The following ZFHX3 variants were observed in gnomAD, a reference collection of about 807,000 sequenced individuals.
ZFHX3 encodes zinc finger homeobox 3.
In ZFHX3, 42 loss-of-function variants were observed where a neutral mutation model predicts 279.1. That is an observed-to-expected ratio of 0.15 (90% confidence interval 0.12 to 0.19). The LOEUF (loss-of-function observed/expected upper bound fraction) is 0.19. Among genes scored for constraint, ZFHX3 ranks in the 10% least tolerant of loss-of-function variants. The probability of loss-of-function intolerance (pLI) is 1.00; values close to 1 mark genes in which losing one functional copy is unlikely to be tolerated. For synonymous variants in ZFHX3, 2,293 were observed against 1,957.8 expected (o/e 1.17, Z -4.52); for missense variants, 4,981 against 4,754.0 (o/e 1.05, Z -1.40).
chr16:73,667,290 G>A (rs1186348305), intron 2 of ZFHX3, among the ~76,000 whole-genome samples: 3 of 152,088 alleles, frequency 2.0e-5, no homozygotes, highest in Admixed American at 6.6e-5. Context: ...ACACCCAGCT[G>A]GATATGCAAC....
At chr16:73,605,707 G>A (rs550605621) in intron 2 of ZFHX3, among the ~76,000 whole-genome samples, 2 of 151,990 alleles carry the variant, frequency 1.3e-5, no homozygotes, top group African/African-American at 2.4e-5. Context: ...GGGGGCTGGA[G>A]AGAAAGAATG....
At chr16:72,828,852 A>C (rs1277190340) in intron 5 of ZFHX3, among the ~76,000 whole-genome samples, 4 of 151,220 alleles carry the variant, frequency 2.6e-5, no homozygotes, top group Non-Finnish European at 4.4e-5. Flanking sequence ...ACCAGCGTGC[A>C]CCACAATGCC....
chr16:73,798,351 C>A (rs1304886642), intron 1 of ZFHX3, among the ~76,000 whole-genome samples: 1 of 150,712 alleles, frequency 6.6e-6, no homozygotes, highest in Non-Finnish European at 1.5e-5. Flanking sequence ...ACCTTGAGGG[C>A]ATGGGTGAGA....
Position 72,958,009 on chromosome 16 carries a change from G to T in ZFHX3, c.2137C>A (p.Leu713Met). ...YCKSGQPHPR[L>M]ARGESYTCGY... is the part of the protein sequence containing the mutation. ...CACGTGTAGCTCTCGCCTCGTGCCA[G>T]CCGGGGGTGGGGCTGCCCGCTTTTG... Residue 713 changes from leucine to methionine, a missense_variant, in exon 2 of 10, where the codon CTG becomes ATG. Transcript: ENST00000268489. The T allele has an allele frequency of 6.2e-7, 1 of 1,610,448 alleles. No homozygotes were observed. The highest frequency in any genetic ancestry group is 1.1e-5 in the South Asian group (1 of 90,774).
intron 8 of ZFHX3, among the ~76,000 whole-genome samples, chr16:72,799,018 T>C (rs1336210153): frequency 1.3e-5 from 2 of 152,250 alleles, no homozygotes; most frequent in Non-Finnish European, 2.9e-5. Context: ...TAGCATTTAA[T>C]TGCTTGACTC....
At chr16:73,218,274 C>T (rs893614791) in intron 5 of ZFHX3, among the ~76,000 whole-genome samples, 11 of 152,082 alleles carry the variant, frequency 7.2e-5, no homozygotes, top group South Asian at 4.1e-4. Context: ...TTCAGTTTGG[C>T]CTGAATGATT....
chr16:73,888,595 C>T (rs984940979), intron 1 of ZFHX3, among the ~76,000 whole-genome samples: 3 of 152,174 alleles, frequency 2.0e-5, no homozygotes, highest in African/African-American at 7.2e-5. Context: ...ATGTCACCTG[C>T]TCCACAGTAA....
At chr16:73,374,317 T>C (rs1180950452) in intron 3 of ZFHX3, among the ~76,000 whole-genome samples, 2 of 151,998 alleles carry the variant, frequency 1.3e-5, no homozygotes, top group African/African-American at 4.8e-5. Flanking sequence ...ATGTATTCAC[T>C]GCTTAGCTTC....
At chr16:73,106,998 G>A (rs994232867) in intron 7 of ZFHX3, among the ~76,000 whole-genome samples, 1 of 152,144 alleles carries the variant, frequency 6.6e-6, no homozygotes, top group Non-Finnish European at 1.5e-5. Context: ...AAAAAAGCAA[G>A]CATTTAAGTA....
intron 1 of ZFHX3, among the ~76,000 whole-genome samples, chr16:72,991,084 T>C (rs993247391): frequency 3.7e-5 from 1 of 26,892 alleles, no homozygotes. Flanking sequence ...TAATATAGTA[T>C]AGCAGTCCCT....
At chr16:73,610,150 C>G (rs2052230433) in intron 2 of ZFHX3, 1 of 152,084 alleles carries the variant, frequency 6.6e-6, no homozygotes, top group Admixed American at 6.6e-5. Flanking sequence ...GAGCCCTGCA[C>G]TCTGCATTTT....
At chr16:73,493,184 G>A (rs1407346174) in intron 2 of ZFHX3, among the ~76,000 whole-genome samples, 7 of 151,686 alleles carry the variant, frequency 4.6e-5, no homozygotes, top group African/African-American at 7.3e-5. Flanking sequence ...AGCTGGTCTC[G>A]TCTGCTTCCA....
At chr16:73,104,161 G>A (rs1480691781) in intron 7 of ZFHX3, among the ~76,000 whole-genome samples, 3 of 152,150 alleles carry the variant, frequency 2.0e-5, no homozygotes, top group African/African-American at 7.2e-5. Flanking sequence ...CAATCATCCA[G>A]TAACTGAATA....
At chr16:73,439,845 G>T (rs9938758) in intron 3 of ZFHX3, among the ~76,000 whole-genome samples, 3,773 of 146,628 alleles carry the variant, frequency 0.026, 169 homozygotes, top group African/African-American at 0.09. Context: ...GCCTTGAAAG[G>T]CTGAGGCTTG....
intron 1 of ZFHX3, among the ~76,000 whole-genome samples, chr16:73,784,002 G>A (rs1202066207): frequency 1.3e-5 from 2 of 152,104 alleles, no homozygotes; most frequent in Non-Finnish European, 2.9e-5. Flanking sequence ...GAGACAGAAG[G>A]GAAAGCAAGA....
At chr16:72,811,145 A>G (rs2036432146) in intron 7 of ZFHX3, among the ~76,000 whole-genome samples, 1 of 152,180 alleles carries the variant, frequency 6.6e-6, no homozygotes. Context: ...ACGGCCTCCC[A>G]AAGAACTGGG....
intron 1 of ZFHX3, among the ~76,000 whole-genome samples, chr16:73,798,603 G>A (rs1960063219): frequency 6.6e-6 from 1 of 150,380 alleles, no homozygotes; most frequent in East Asian, 1.9e-4. Flanking sequence ...ACACACACAG[G>A]CACACATCTT....
At chr16:73,209,132 G>A (rs190302164) in intron 5 of ZFHX3, among the ~76,000 whole-genome samples, 51 of 152,154 alleles carry the variant, frequency 3.4e-4, no homozygotes, top group African/African-American at 8.9e-4. Flanking sequence ...TTTTGTTTGC[G>A]TGAGTTATAT....
At chr16:73,795,391 C>G (rs1337562299) in intron 1 of ZFHX3, among the ~76,000 whole-genome samples, 3 of 152,148 alleles carry the variant, frequency 2.0e-5, no homozygotes, top group Non-Finnish European at 4.4e-5. Context: ...GGGCCAAGAC[C>G]TGAGAGGCAC....
Sources: gnomAD v4.1 joint callset for allele counts (sites outside exome capture counted in the v4.1 genomes callset) on GRCh38, gnomAD v4.1.1 for gene constraint, MANE v1.5 for transcripts, NCBI Gene and HGNC (gene_info 2026-07-23, HGNC 2026-07-21) for gene names.